PCSK5: variants seen among roughly 807,000 people sequenced by gnomAD.
The protein encoded by PCSK5 is proprotein convertase subtilisin/kexin type 5.
In PCSK5, 129 loss-of-function variants were observed where a neutral mutation model predicts 233.2. The observed-to-expected ratio is 0.55, with a 90% CI of 0.48 to 0.64. The LOEUF (loss-of-function observed/expected upper bound fraction) is 0.64, where lower values mean the gene tolerates loss of function less well. Among genes scored for constraint, PCSK5 ranks in the 30% least tolerant of loss-of-function variants. The pLI is 0.00. For missense variants in PCSK5, 2,076 were observed against 2,430.1 expected (o/e 0.85, Z 3.06); for synonymous variants, 825 against 879.2 (o/e 0.94, Z 1.09).
Position 76,045,764 on chromosome 9 carries a change from C to T in PCSK5, c.632+18727C>T, listed in dbSNP as rs377453122. The stretch of plus-strand genomic sequence containing the variant: ...GTCTTCCTGGTTCTCTACCTGCTAT[C>T]CCTATGGTGGGCACTGAAGTGATTT... On this transcript the variant is annotated intron_variant, in intron 5 of 37. Coordinates refer to ENST00000674117, the MANE Select transcript of PCSK5 (RefSeq NM_001372043.1). Among the ~76,000 whole-genome samples the T allele has an allele frequency of 5.9e-5, 9 of 152,268 alleles. No homozygotes were observed. The East Asian group carries it at 1.5e-3, about 26-fold the overall frequency.
In PCSK5 at chr9:75,916,253, G is replaced by A. The variant is rs150765886; in HGVS notation, c.193-16126G>A. On this transcript the variant is annotated intron_variant, in intron 1 of 37. Coordinates refer to ENST00000674117, the MANE Select transcript of PCSK5 (RefSeq NM_001372043.1). ...GGTTTAATATAGTATGGTGAAAATA[G>A]CACTGAGCTTGGTGTCGGAAAAATC... 4.7e-3 allele frequency among the ~76,000 whole-genome samples: 723 copies of A among 152,310 alleles called. 9 individuals carry two copies. Among genetic ancestry groups the A allele is most frequent in the African/African-American group, 0.016 (674 of 41,570 alleles).
intron 2 of PCSK5, among the ~76,000 whole-genome samples, chr9:75,968,473 A>G (rs945876662): frequency 1.2e-4 from 18 of 152,258 alleles, no homozygotes; most frequent in Admixed American, 2.6e-4. Flanking sequence ...CCAGAGGAAT[A>G]TGCTTCATGA....
Position 75,978,530 on chromosome 9 carries a change from T to G in PCSK5, c.298-7602T>G, listed in dbSNP as rs114142160. ...ACTTGAGTAGTATGTTTTCCCAGTT[T>G]GTTCTACACTGCCCATCTGTGGCAG... On this transcript the variant is annotated intron_variant, in intron 2 of 37. Transcript: ENST00000674117. Among the ~76,000 whole-genome samples, 785 of 152,298 alleles carry G rather than the reference T, an allele frequency of 5.2e-3. 4 individuals are homozygous for G. Among genetic ancestry groups the G allele is most frequent in the African/African-American group, 0.018 (733 of 41,562 alleles).
chr9:76,313,794 C>T (rs1294288399), intron 30 of PCSK5, among the ~76,000 whole-genome samples: 1 of 152,116 alleles, frequency 6.6e-6, no homozygotes, highest in East Asian at 1.9e-4. Flanking sequence ...GCTTGATGGT[C>T]CCTAGCTCTT....
rs544595689 is a variant in PCSK5, at chr9:76,075,553, T to C, written c.894+3655T>C. 1.8e-4 allele frequency among the ~76,000 whole-genome samples: 27 copies of C among 152,298 alleles called. No individual in the cohort carries two copies. In the East Asian group the frequency reaches 4.8e-3, roughly 27 times the overall value. Reference sequence around the variant, plus strand: ...GGGCATCAAGTGAGACAGGAAATTTTACATTCTTTGATAGTATTATCATTT... The same window carrying C: ...GGGCATCAAGTGAGACAGGAAATTTCACATTCTTTGATAGTATTATCATTT... On this transcript the variant is annotated intron_variant, in intron 7 of 37. Transcript: ENST00000674117.
At chr9:76,196,718 G>A (rs938324756) in intron 20 of PCSK5, among the ~76,000 whole-genome samples, 1 of 152,204 alleles carries the variant, frequency 6.6e-6, no homozygotes, top group Non-Finnish European at 1.5e-5. Flanking sequence ...AGAATATAGA[G>A]TAGGTATATA....
chr9:76,093,080 CT>C (rs71372045), intron 7 of PCSK5, among the ~76,000 whole-genome samples: 22,627 of 85,274 alleles, frequency 0.27, 1,939 homozygotes, highest in South Asian at 0.35. Flanking sequence ...TTGTCTTTCC[CT>C]TTTTTTTTTT....
chr9:76,214,268 A>G (rs1323809978), intron 20 of PCSK5, among the ~76,000 whole-genome samples: 1 of 151,042 alleles, frequency 6.6e-6, no homozygotes, highest in Non-Finnish European at 1.5e-5. Flanking sequence ...CTAGGATTGC[A>G]TGTTTGACTT....
chr9:76,144,807 C>G (rs760240802), intron 10 of PCSK5, among the ~76,000 whole-genome samples: 4 of 152,176 alleles, frequency 2.6e-5, no homozygotes, highest in Non-Finnish European at 2.9e-5. Context: ...GGCAAAATAA[C>G]TCAGTGTTAC....
At chr9:76,096,214 C>CACACACAG in intron 8 of PCSK5, 112 bp downstream of exon 8, 1 of 677,830 alleles carries the variant, frequency 1.5e-6, no homozygotes, top group African/African-American at 1.8e-5. Context: ...CACACACACA[C>CACACACAG]AGAAGTAATA....
intron 20 of PCSK5, among the ~76,000 whole-genome samples, chr9:76,206,625 T>A (rs974654352): frequency 1.3e-5 from 2 of 152,202 alleles, no homozygotes; most frequent in Non-Finnish European, 2.9e-5. Context: ...TCAGCCCACC[T>A]CACAGAGCGC....
Position 76,047,141 on chromosome 9 carries a change from T to G in PCSK5, c.632+20104T>G, listed in dbSNP as rs368383377. Among the ~76,000 whole-genome samples the G allele has an allele frequency of 9.4e-4, 142 of 151,264 alleles. No homozygotes were observed. In the Middle Eastern group the frequency reaches 0.01, roughly 11 times the overall value. ...AGACGGAGTCTTGCTCTGTCGCCCA[T>G]GCTGGAGTGCAATGGTGAGATCTCG... On this transcript the variant is annotated intron_variant, in intron 5 of 37. Coordinates refer to ENST00000674117, the MANE Select transcript of PCSK5 (RefSeq NM_001372043.1).
chr9:76,056,066 A>G (rs1261691960), intron 5 of PCSK5, among the ~76,000 whole-genome samples: 1 of 152,186 alleles, frequency 6.6e-6, no homozygotes, highest in Non-Finnish European at 1.5e-5. Flanking sequence ...AACCTGCAAG[A>G]AAGAATAGAC....
chr9:75,945,604 AT>A (rs564922041), intron 2 of PCSK5, among the ~76,000 whole-genome samples: 97 of 57,832 alleles, frequency 1.7e-3, no homozygotes, highest in Non-Finnish European at 2.3e-3. Flanking sequence ...TTCAAAAGAG[AT>A]TTTTTTTTAA....
chr9:75,930,613 AAC>A (rs1823744407), intron 1 of PCSK5, among the ~76,000 whole-genome samples: 1 of 152,222 alleles, frequency 6.6e-6, no homozygotes, highest in East Asian at 1.9e-4. Context: ...TAGGCCATAG[AAC>A]ACAGCCAGAT....
At chr9:76,331,997 T>C (rs1169020855) in intron 33 of PCSK5, among the ~76,000 whole-genome samples, 2 of 152,218 alleles carry the variant, frequency 1.3e-5, no homozygotes, top group Non-Finnish European at 2.9e-5. Context: ...GCGGTGTTTT[T>C]CCTTCAGGAA....
At chr9:76,269,765 C>A (rs1458593352) in intron 24 of PCSK5, among the ~76,000 whole-genome samples, 1 of 152,130 alleles carries the variant, frequency 6.6e-6, no homozygotes, top group African/African-American at 2.4e-5. Context: ...TGGAACATAG[C>A]AAAACTCTCA....
intron 1 of PCSK5, among the ~76,000 whole-genome samples, chr9:75,909,109 G>A (rs1181664181): frequency 6.6e-6 from 1 of 151,956 alleles, no homozygotes; most frequent in Non-Finnish European, 1.5e-5. Flanking sequence ...CGGATCACCT[G>A]AGGTTAGGAG....
At chr9:76,073,318 A>G (rs1158934606) in intron 7 of PCSK5, among the ~76,000 whole-genome samples, 1 of 152,232 alleles carries the variant, frequency 6.6e-6, no homozygotes, top group African/African-American at 2.4e-5. Context: ...ATAAAATTAT[A>G]TACTTATTTT....
Sources: allele counts gnomAD v4.1 joint callset (sites outside exome capture counted in the v4.1 genomes callset), GRCh38; gene constraint gnomAD v4.1.1; transcripts MANE v1.5; gene names NCBI Gene and HGNC (gene_info 2026-07-23, HGNC 2026-07-21).